Variants in DPP10 observed in about 807,000 individuals in gnomAD.
The protein encoded by DPP10 is inactive dipeptidyl peptidase 10.
Under a neutral mutation model 120.9 loss-of-function variants are expected in DPP10, and 33 were observed. The ratio of observed to expected loss-of-function variants is 0.27; its 90% confidence interval spans 0.21 to 0.37. The LOEUF (loss-of-function observed/expected upper bound fraction) is 0.37, where lower values mean the gene tolerates loss of function less well. Among genes scored for constraint, DPP10 ranks in the 10% least tolerant of loss-of-function variants. DPP10 has a pLI of 1.00. For missense variants in DPP10, 816 were observed against 942.8 expected (o/e 0.87, Z 1.76); for synonymous variants, 337 against 326.1 (o/e 1.03, Z -0.36).
At chr2:115,195,973 A>AGAG (rs1475128048) in intron 1 of DPP10, among the ~76,000 whole-genome samples, 1 of 152,232 alleles carries the variant, frequency 6.6e-6, no homozygotes, top group Non-Finnish European at 1.5e-5. Flanking sequence ...GAACAGAAGC[A>AGAG]GAGATAAAGA....
chr2:115,205,796 G>C (rs558667872), intron 1 of DPP10, among the ~76,000 whole-genome samples: 1 of 152,134 alleles, frequency 6.6e-6, no homozygotes, highest in Non-Finnish European at 1.5e-5. Flanking sequence ...CAAATACTGC[G>C]TGTTCTCACT....
intron 1 of DPP10, among the ~76,000 whole-genome samples, chr2:114,518,172 G>A (rs1377876739): frequency 6.9e-6 from 1 of 145,448 alleles, no homozygotes; most frequent in Non-Finnish European, 1.5e-5. Context: ...CTGCCTCCCA[G>A]GTTCAGGTGA....
intron 1 of DPP10, among the ~76,000 whole-genome samples, chr2:114,815,922 C>T (rs908931): frequency 0.51 from 77,027 of 150,688 alleles, 20,005 homozygotes; most frequent in East Asian, 0.8. Context: ...AGACTAATAA[C>T]TTCATCTAGT....
At chr2:114,798,248 C>T (rs775448400) in intron 1 of DPP10, among the ~76,000 whole-genome samples, 1 of 152,028 alleles carries the variant, frequency 6.6e-6, no homozygotes, top group Non-Finnish European at 1.5e-5. Context: ...ATATGAGGAA[C>T]ACCTGAAGTT....
At chr2:114,959,775 G>A (rs1698475130) in intron 1 of DPP10, among the ~76,000 whole-genome samples, 1 of 152,196 alleles carries the variant, frequency 6.6e-6, no homozygotes, top group Non-Finnish European at 1.5e-5. Context: ...GGGATATGCA[G>A]TTGAATGCTA....
At chr2:115,151,707 A>T (rs989376879) in intron 1 of DPP10, among the ~76,000 whole-genome samples, 16 of 148,062 alleles carry the variant, frequency 1.1e-4, no homozygotes, top group African/African-American at 3.8e-4. Context: ...GCGCCCAGTC[A>T]GTATTGAATT....
intron 5 of DPP10, among the ~76,000 whole-genome samples, chr2:115,620,442 C>T (rs1013647458): frequency 6.6e-6 from 1 of 152,156 alleles, no homozygotes; most frequent in Non-Finnish European, 1.5e-5. Context: ...CTTACATGGT[C>T]ATCTGGGAGA....
intron 1 of DPP10, among the ~76,000 whole-genome samples, chr2:114,692,647 T>C (rs562541115): frequency 2.6e-5 from 4 of 152,182 alleles, no homozygotes; most frequent in African/African-American, 4.8e-5. Flanking sequence ...TAGTTTTCTG[T>C]CTCAATGATC....
At chr2:115,001,303 T>C (rs1701424238) in intron 1 of DPP10, among the ~76,000 whole-genome samples, 1 of 152,320 alleles carries the variant, frequency 6.6e-6, no homozygotes, top group South Asian at 2.1e-4. Context: ...CAAAATCAGA[T>C]GATTATCTTA....
intron 1 of DPP10, among the ~76,000 whole-genome samples, chr2:115,045,574 C>T (rs895461311): frequency 5.3e-5 from 8 of 152,160 alleles, no homozygotes; most frequent in Non-Finnish European, 1.2e-4. Context: ...AGTTCTAATG[C>T]AAAGTCCCGC....
intron 1 of DPP10, among the ~76,000 whole-genome samples, chr2:114,868,938 T>C (rs1433173792): frequency 6.6e-6 from 1 of 152,076 alleles, no homozygotes; most frequent in Non-Finnish European, 1.5e-5. Context: ...TCTGCAAGAC[T>C]GGGGAAATAA....
At chr2:115,649,709 T>C (rs1035068601) in intron 5 of DPP10, among the ~76,000 whole-genome samples, 5 of 152,138 alleles carry the variant, frequency 3.3e-5, no homozygotes, top group Non-Finnish European at 7.4e-5. Context: ...TTATGCCCTA[T>C]ATTATGTAGT....
intron 5 of DPP10, among the ~76,000 whole-genome samples, chr2:115,647,877 G>A (rs1347383139): frequency 6.6e-6 from 1 of 152,140 alleles, no homozygotes; most frequent in Non-Finnish European, 1.5e-5. Flanking sequence ...CCTTCTTAAT[G>A]CTACCGCATT....
chr2:115,577,456 A>G (rs561684860), intron 5 of DPP10, among the ~76,000 whole-genome samples: 254 of 152,302 alleles, frequency 1.7e-3, no homozygotes, highest in Non-Finnish European at 3.0e-3. Context: ...CAGAGTAAGC[A>G]CTTATGGATT....
intron 5 of DPP10, among the ~76,000 whole-genome samples, chr2:115,666,112 A>C (rs2089434271): frequency 6.6e-6 from 1 of 152,144 alleles, no homozygotes; most frequent in Non-Finnish European, 1.5e-5. Context: ...CTCAGTGTTC[A>C]GTTTCCCTCA....
At chr2:114,633,554 A>C (rs1428336902) in intron 1 of DPP10, among the ~76,000 whole-genome samples, 1 of 151,338 alleles carries the variant, frequency 6.6e-6, no homozygotes, top group African/African-American at 2.4e-5. Context: ...GCACCTGGCC[A>C]GCTGGTTTTT....
intron 1 of DPP10, among the ~76,000 whole-genome samples, chr2:114,888,794 G>A (rs1483587692): frequency 6.6e-6 from 1 of 152,114 alleles, no homozygotes; most frequent in African/African-American, 2.4e-5. Flanking sequence ...TCTTTACAAT[G>A]GGCATTCCAC....
chr2:115,693,528 A>G (rs190547664), intron 7 of DPP10, among the ~76,000 whole-genome samples: 7 of 152,068 alleles, frequency 4.6e-5, no homozygotes, highest in African/African-American at 1.7e-4. Context: ...AATCTTTTAC[A>G]CTTTGGTTGG....
chr2:115,287,516 GCT>G (rs1200480871), intron 1 of DPP10, among the ~76,000 whole-genome samples: 2 of 151,990 alleles, frequency 1.3e-5, no homozygotes, highest in Non-Finnish European at 2.9e-5. Context: ...CCATAGCTTA[GCT>G]CCCATTTATA....
Sources: gnomAD v4.1 joint callset for allele counts (sites outside exome capture counted in the v4.1 genomes callset) on GRCh38, gnomAD v4.1.1 for gene constraint, MANE v1.5 for transcripts, NCBI Gene and HGNC (gene_info 2026-07-23, HGNC 2026-07-21) for gene names.